Variants in SERAC1 observed in about 807,000 individuals in gnomAD.
SERAC1 encodes the protein serine active site containing 1, also known as protein SERAC1.
A neutral mutation model predicts 85.7 loss-of-function variants in SERAC1; 36 were observed. That is an observed-to-expected ratio of 0.42 (90% CI 0.32 to 0.55). The LOEUF (loss-of-function observed/expected upper bound fraction) is 0.55, where lower values mean the gene tolerates loss of function less well. Among genes scored for constraint, SERAC1 ranks in the 20% least tolerant of loss-of-function variants. The probability of loss-of-function intolerance (pLI) is 0.11; values close to 1 mark genes in which losing one functional copy is unlikely to be tolerated. For missense variants in SERAC1, 629 were observed against 796.2 expected, an observed-to-expected ratio of 0.79 and a Z score of 2.53; for synonymous variants, 242 against 265.3, an observed-to-expected ratio of 0.91 and a Z score of 0.85.
chr6:158,112,084 C>T (rs969238627), intron 16 of SERAC1: 1 of 152,456 alleles, frequency 6.6e-6, no homozygotes, highest in Non-Finnish European at 1.5e-5. Context: ...TAGGGCAAGG[C>T]TATGCCACTC....
intron 8 of SERAC1, among the ~76,000 whole-genome samples, chr6:158,134,688 T>C (rs1041574764): frequency 2.6e-5 from 4 of 151,884 alleles, no homozygotes; most frequent in African/African-American, 9.7e-5. Flanking sequence ...AGTAATAAAA[T>C]TAGGGGGAAA....
chr6:158,155,752 C>G (rs115117290), intron 2 of SERAC1, among the ~76,000 whole-genome samples: 1 of 152,138 alleles, frequency 6.6e-6, no homozygotes, highest in Non-Finnish European at 1.5e-5. Flanking sequence ...TAGGACTATA[C>G]TGAAGGATTA....
intron 3 of SERAC1, among the ~76,000 whole-genome samples, chr6:158,153,268 G>T (rs139438472): frequency 8.7e-4 from 133 of 152,268 alleles, no homozygotes; most frequent in Non-Finnish European, 1.6e-3. Context: ...CCATGTTGTT[G>T]CATGTAAAAT....
intron 6 of SERAC1, among the ~76,000 whole-genome samples, chr6:158,144,831 T>C (rs1313422147): frequency 6.6e-6 from 1 of 152,222 alleles, no homozygotes; most frequent in Non-Finnish European, 1.5e-5. Flanking sequence ...ATAGTGTCCA[T>C]GAATATTTAG....
At chr6:158,166,067 G>T (rs1270183387) in intron 1 of SERAC1, 2 of 152,136 alleles carry the variant, frequency 1.3e-5, no homozygotes, top group Admixed American at 6.5e-5. Context: ...AAACAAAAAA[G>T]AAATCTTTCC....
At chr6:158,116,520 G>A (rs1028431442) in intron 13 of SERAC1, 15 of 451,554 alleles carry the variant, frequency 3.3e-5, no homozygotes, top group African/African-American at 5.9e-5. Flanking sequence ...TTATAGGCAT[G>A]AGCCACCACG....
At chr6:158,126,319 T>C (rs1435373081) in intron 10 of SERAC1, among the ~76,000 whole-genome samples, 1 of 152,122 alleles carries the variant, frequency 6.6e-6, no homozygotes, top group Non-Finnish European at 1.5e-5. Flanking sequence ...AAATAAGAAA[T>C]GCCTCCCCAA....
At chr6:158,157,747 C>A (rs925540676) in intron 2 of SERAC1, among the ~76,000 whole-genome samples, 2 of 152,166 alleles carry the variant, frequency 1.3e-5, no homozygotes, top group African/African-American at 4.8e-5. Context: ...AGATAAAATA[C>A]TGCCTTCACA....
intron 3 of SERAC1, among the ~76,000 whole-genome samples, chr6:158,151,642 G>C (rs879739835): frequency 4.6e-5 from 7 of 151,966 alleles, no homozygotes; most frequent in Non-Finnish European, 7.4e-5. Flanking sequence ...AGCCAGGATG[G>C]TCTCAATCTC....
rs1352933419 is a variant in SERAC1, at chr6:158,119,330, A to G, written c.1167-160T>C. Among the ~76,000 whole-genome samples the G allele has an allele frequency of 1.3e-5, 2 of 152,250 alleles. No individual in the cohort carries two copies. Among genetic ancestry groups the G allele is most frequent in the Admixed American group, 1.3e-4 (2 of 15,284 alleles). On this transcript the variant is annotated intron_variant, in intron 11 of 16. Coordinates refer to ENST00000647468, the MANE Select transcript of SERAC1 (RefSeq NM_032861.4). The surrounding 1 kb of genome is among the most constrained non-coding windows in gnomAD (Gnocchi z 4.5). The stretch of plus-strand genomic sequence containing the variant: ...AAGCACAGGTTTGCTGGGAAAACCT[A>G]GAAGGAGCTTTGGCAAAGACATACA...
intron 5 of SERAC1, among the ~76,000 whole-genome samples, chr6:158,148,319 C>T (rs1456572615): frequency 6.6e-6 from 1 of 152,108 alleles, no homozygotes; most frequent in African/African-American, 2.4e-5. Flanking sequence ...AATTATAAAA[C>T]ACTTATCAAG....
chr6:158,117,849 C>A lies in SERAC1; in HGVS notation c.1309-28G>T, dbSNP rs749514010. 2 of 1,572,180 alleles carry A rather than the reference C, an allele frequency of 1.3e-6. No homozygotes were observed. Among genetic ancestry groups the A allele is most frequent in the Admixed American group, 3.4e-5 (2 of 59,338 alleles). On this transcript the variant is annotated intron_variant, in intron 12 of 16. Transcript: ENST00000647468. This position sits in a 1 kb window ranked among gnomAD's most constrained non-coding sequence, Gnocchi z 4.3. Reference sequence around the variant, plus strand: ...AAGTAAAATAAAACATATGTGAGAACAAGTATGAATCTTCACCACTGCAAT... The same window carrying A: ...AAGTAAAATAAAACATATGTGAGAAAAAGTATGAATCTTCACCACTGCAAT...
intron 10 of SERAC1, among the ~76,000 whole-genome samples, chr6:158,126,172 A>C (rs1784535886): frequency 6.6e-6 from 1 of 152,174 alleles, no homozygotes; most frequent in Non-Finnish European, 1.5e-5. Context: ...TTTCTAGTGA[A>C]AGAGGCAAGA....
At chr6:158,116,101 G>C (rs899951222) in intron 14 of SERAC1, 84 bp downstream of exon 14, 15 of 1,117,418 alleles carry the variant, frequency 1.3e-5, no homozygotes, top group Non-Finnish European at 2.0e-5. Flanking sequence ...AAGTAAAATG[G>C]AAAGATAAAA....
chr6:158,125,902 C>T (rs1784528848), intron 10 of SERAC1, among the ~76,000 whole-genome samples: 1 of 151,394 alleles, frequency 6.6e-6, no homozygotes, highest in Admixed American at 6.6e-5. Flanking sequence ...GTATAAAAAG[C>T]CAAAAGAGGA....
intron 2 of SERAC1, among the ~76,000 whole-genome samples, chr6:158,156,195 T>C (rs539060470): frequency 7.9e-5 from 12 of 152,324 alleles, no homozygotes; most frequent in African/African-American, 2.6e-4. Context: ...TACAAGTTTA[T>C]TTATAAATGT....
In SERAC1 at chr6:158,119,044, C is replaced by T. The variant is rs73797641; in HGVS notation, c.1293G>A (p.Thr431=). The part of the protein sequence containing the change: ...EKPMEDEDRY[T]TCWPKTWLAK... ...GCTCCCTTACCTTGGGCCAGCACGT[C>T]GTATATCTGTCTTCATCCTCCATAG... The change falls in exon 12 of 17, where the codon ACG becomes ACA. Residue 431 remains threonine, a synonymous_variant. Coordinates refer to ENST00000647468, the MANE Select transcript of SERAC1 (RefSeq NM_032861.4). This position sits in a 1 kb window ranked among gnomAD's most constrained non-coding sequence, Gnocchi z 4.5. 2.7e-3 allele frequency: 4,329 copies of T among 1,613,142 alleles called. 112 individuals are homozygous for T. In the African/African-American group the frequency reaches 0.05, roughly 19 times the overall value.
At chr6:158,151,342 T>A (rs891895542) in intron 3 of SERAC1, among the ~76,000 whole-genome samples, 1 of 152,116 alleles carries the variant, frequency 6.6e-6, no homozygotes, top group African/African-American at 2.4e-5. Context: ...GCCCAGGAGT[T>A]CAAGCCTGCG....
chr6:158,147,768 C>CAAAAAAAAAAAAAAAAAAAAAAAAAAAA (rs71027383), intron 5 of SERAC1, among the ~76,000 whole-genome samples: 1 of 68,932 alleles, frequency 1.5e-5, no homozygotes. Context: ...GGCTCTGTCT[C>CAAAAAAAAAAAAAAAAAAAAAAAAAAAA]AAAAAAAAAA....
Sources: gnomAD v4.1 joint callset for allele counts (sites outside exome capture counted in the v4.1 genomes callset) on GRCh38, gnomAD v4.1.1 for gene constraint, Gnocchi (gnomAD v3.1) non-coding constraint, MANE v1.5 for transcripts, NCBI Gene and HGNC (gene_info 2026-07-23, HGNC 2026-07-21) for gene names.